The following HTR1E variants were observed in gnomAD, a reference collection of about 807,000 sequenced individuals.
HTR1E encodes the protein 5-HT-1E.
HTR1E carries 3 observed loss-of-function variants against 3.4 expected under a neutral mutation model. The ratio of observed to expected loss-of-function variants is 0.89; its 90% CI spans 0.41 to 2.31. HTR1E has a LOEUF of 2.31. HTR1E is among the 30% of genes most tolerant of loss of function. The pLI is 0.05. For missense variants in HTR1E, 392 were observed against 467.0 expected (o/e 0.84, Z 1.48); for synonymous variants, 170 against 182.8 (o/e 0.93, Z 0.56).
intron 1 of HTR1E, among the ~76,000 whole-genome samples, chr6:87,002,033 T>G (rs1356728863): frequency 6.6e-6 from 1 of 152,228 alleles, no homozygotes; most frequent in Non-Finnish European, 1.5e-5. Context: ...AAGGTCATTA[T>G]ATAATGATTA....
chr6:86,988,567 A>G lies in HTR1E; in HGVS notation c.-185-26583A>G, dbSNP rs113003867. Among the ~76,000 whole-genome samples, 1,255 of 152,156 alleles carry G rather than the reference A, an allele frequency of 8.2e-3. 4 individuals carry two copies. The highest frequency in any genetic ancestry group is 0.013 in the South Asian group (64 of 4,814). Reference sequence around the variant, plus strand: ...ACAGTTTGCAAACTTACCTTAGAAAACCTAAATCATTTATAGTAGGCAGAA... The same window carrying G: ...ACAGTTTGCAAACTTACCTTAGAAAGCCTAAATCATTTATAGTAGGCAGAA... On this transcript the variant is annotated intron_variant, in intron 1 of 1. Transcript: ENST00000305344.
intron 1 of HTR1E, among the ~76,000 whole-genome samples, chr6:86,943,093 T>G (rs772382594): frequency 2.6e-5 from 4 of 152,230 alleles, no homozygotes; most frequent in Non-Finnish European, 5.9e-5. Context: ...TGCATTTAAT[T>G]AACAGTTAAT....
chr6:86,955,108 G>C (rs62440831), intron 1 of HTR1E, among the ~76,000 whole-genome samples: 3,958 of 152,160 alleles, frequency 0.026, 74 homozygotes, highest in Non-Finnish European at 0.043. Context: ...TCTCCCTGCC[G>C]GTCTTGTCAG....
At chr6:86,960,047 T>C (rs753566117) in intron 1 of HTR1E, among the ~76,000 whole-genome samples, 2 of 152,218 alleles carry the variant, frequency 1.3e-5, no homozygotes, top group Admixed American at 6.5e-5. Context: ...GGGAAAGTTA[T>C]CCAGATAATT....
At chr6:86,981,132 C>T (rs536049487) in intron 1 of HTR1E, among the ~76,000 whole-genome samples, 3 of 152,302 alleles carry the variant, frequency 2.0e-5, no homozygotes, top group South Asian at 4.1e-4. Flanking sequence ...TGGGTTGAGG[C>T]AACAGAGGCT....
chr6:86,984,571 A>C (rs1474822744), intron 1 of HTR1E, among the ~76,000 whole-genome samples: 4 of 152,246 alleles, frequency 2.6e-5, no homozygotes, highest in Non-Finnish European at 5.9e-5. Flanking sequence ...AGTTAGAATA[A>C]CCCTAAGTAC....
rs552269128 is a variant in HTR1E, at chr6:86,961,244, TCTC to T, written c.-186+23425_-186+23427del. Among the ~76,000 whole-genome samples, 3 of 152,192 alleles carry T rather than the reference TCTC, an allele frequency of 2.0e-5. No individual in the cohort carries two copies. The South Asian group carries it at 6.2e-4, about 31-fold the overall frequency. On this transcript the variant is annotated intron_variant, in intron 1 of 1. Coordinates refer to ENST00000305344, the MANE Select transcript of HTR1E (RefSeq NM_000865.3). The stretch of plus-strand genomic sequence containing the variant: ...GGATTTTTCATCTGTTTTAAAATCA[TCTC>T]CTCATGCCTTTACAATTAAAAGTCA...
At chr6:87,009,483 C>T (rs1202519714) in intron 1 of HTR1E, among the ~76,000 whole-genome samples, 1 of 151,708 alleles carries the variant, frequency 6.6e-6, no homozygotes. Flanking sequence ...ACACGGCAAC[C>T]ATCCGATTTC....
At chr6:86,980,074 C>A (rs937682279) in intron 1 of HTR1E, among the ~76,000 whole-genome samples, 1 of 152,164 alleles carries the variant, frequency 6.6e-6, no homozygotes, top group Admixed American at 6.5e-5. Context: ...TCTTAGCTGA[C>A]AAGATCAGTC....
intron 1 of HTR1E, among the ~76,000 whole-genome samples, chr6:87,010,000 C>T (rs1290155996): frequency 5.1e-5 from 6 of 117,290 alleles, no homozygotes; most frequent in East Asian, 3.1e-4. Context: ...GGTGGCTGGC[C>T]GGGCGGAGGG....
chr6:86,938,813 C>G (rs1456414786), intron 1 of HTR1E, among the ~76,000 whole-genome samples: 1 of 152,160 alleles, frequency 6.6e-6, no homozygotes, highest in East Asian at 1.9e-4. Flanking sequence ...TTTTATCATT[C>G]TTATGTTTTC....
intron 1 of HTR1E, among the ~76,000 whole-genome samples, chr6:86,998,162 T>C (rs912049191): frequency 6.6e-6 from 1 of 152,036 alleles, no homozygotes; most frequent in African/African-American, 2.4e-5. Flanking sequence ...TTAACACAAT[T>C]TCCTCAATAA....
At chr6:86,947,823 A>C (rs1767148420) in intron 1 of HTR1E, among the ~76,000 whole-genome samples, 1 of 152,134 alleles carries the variant, frequency 6.6e-6, no homozygotes, top group Non-Finnish European at 1.5e-5. Context: ...TTGAATTCAG[A>C]TTTTTTAAAT....
chr6:86,997,631 C>T (rs1044028724), intron 1 of HTR1E, among the ~76,000 whole-genome samples: 1 of 151,694 alleles, frequency 6.6e-6, no homozygotes, highest in Non-Finnish European at 1.5e-5. Context: ...GTAAATCTAA[C>T]ATAACATATG....
At chr6:87,009,886 G>A (rs571159023) in intron 1 of HTR1E, among the ~76,000 whole-genome samples, 4 of 103,218 alleles carry the variant, frequency 3.9e-5, no homozygotes, top group Non-Finnish European at 5.7e-5. Context: ...GCGGGGGGCC[G>A]ACCTCCCCAC....
rs77995314 is a variant in HTR1E at position 86,970,905 on chromosome 6, A to C, written c.-186+33082A>C. 848 of 285,970 alleles carry C rather than the reference A, an allele frequency of 3.0e-3. 8 individuals carry two copies. The highest frequency in any genetic ancestry group is 0.018 in the African/African-American group (787 of 44,674). 17.7% of individuals were successfully genotyped at this position (285,970 alleles called of 1,614,324 possible). ...GGGTACCCAAACCTGAAGTCAGTAA[A>C]TGAGCTAATCTACAACAGTGGTTAT... On this transcript the variant is annotated intron_variant, in intron 1 of 1. Coordinates refer to ENST00000305344, the MANE Select transcript of HTR1E (RefSeq NM_000865.3).
chr6:87,004,599 A>C (rs1768075625), intron 1 of HTR1E, among the ~76,000 whole-genome samples: 1 of 152,200 alleles, frequency 6.6e-6, no homozygotes, highest in Admixed American at 6.5e-5. Flanking sequence ...ATACCTCAAC[A>C]CAATAAAAGC....
At chr6:86,983,057 T>G (rs1018340091) in intron 1 of HTR1E, among the ~76,000 whole-genome samples, 1 of 152,164 alleles carries the variant, frequency 6.6e-6, no homozygotes, top group Non-Finnish European at 1.5e-5. Context: ...TAATGTAAAT[T>G]TATCTCTTGT....
At chr6:86,952,832 CA>C (rs770765814) in intron 1 of HTR1E, among the ~76,000 whole-genome samples, 2 of 152,102 alleles carry the variant, frequency 1.3e-5, no homozygotes, top group African/African-American at 4.8e-5. Context: ...CATTCCCACT[CA>C]AAAAATGATT....
Sources: allele counts gnomAD v4.1 joint callset (sites outside exome capture counted in the v4.1 genomes callset), GRCh38; gene constraint gnomAD v4.1.1; transcripts MANE v1.5; gene names NCBI Gene and HGNC (gene_info 2026-07-23, HGNC 2026-07-21).